The following DUSP22 variants were observed in gnomAD, a reference collection of about 807,000 sequenced individuals.
DUSP22 encodes dual specificity protein phosphatase 22.
A neutral mutation model predicts 24.5 loss-of-function variants in DUSP22; 24 were observed. That is an observed-to-expected ratio of 0.98 (90% CI 0.71 to 1.38). The LOEUF (loss-of-function observed/expected upper bound fraction) is 1.38. Ranked by LOEUF, DUSP22 falls within the 40% of genes most tolerant of loss-of-function variation. The pLI is 0.00. For missense variants in DUSP22, 330 were observed against 269.2 expected, an observed-to-expected ratio of 1.23 and a Z score of -1.58; for synonymous variants, 160 against 106.4, an observed-to-expected ratio of 1.50 and a Z score of -3.10.
chr6:350,623 C>T lies in DUSP22; in HGVS notation c.*1672C>T. 2 of 1,454,352 alleles carry T rather than the reference C, an allele frequency of 1.4e-6. No homozygotes were observed. Among genetic ancestry groups the T allele is most frequent in the Non-Finnish European group, 1.8e-6 (2 of 1,105,462 alleles). The allele number at this position is 1,454,352 out of a possible 1,614,324, so 90.1% of individuals were successfully genotyped here. On this transcript the variant is annotated 3_prime_UTR_variant, in exon 7 of 7. Transcript: ENST00000419235. ...AGGGGAGTGTGGCTGTAGAATCATC[C>T]ATCCGTCTACAGCTAAAACAATTTG...
chr6:324,986 GA>G (rs1443670105), intron 3 of DUSP22, among the ~76,000 whole-genome samples: 2 of 152,312 alleles, frequency 1.3e-5, no homozygotes, highest in Non-Finnish European at 2.9e-5. Context: ...ATCCTGCCGG[GA>G]AGGGGAGGCT....
Position 346,582 on chromosome 6 carries a change from A to T in DUSP22, c.263+654A>T, listed in dbSNP as rs540148099. ...GATGGCATTTTTATGACCACTCGTA[A>T]TCATGCTAATAACATGGCTAATTTG... On this transcript the variant is annotated intron_variant, in intron 5 of 6. Transcript: ENST00000419235. 2.2e-4 allele frequency among the ~76,000 whole-genome samples: 33 copies of T among 152,418 alleles called. No homozygotes were observed. The South Asian group carries it at 6.6e-3, about 31-fold the overall frequency.
chr6:303,520 G>A (rs1417428039), intron 1 of DUSP22, among the ~76,000 whole-genome samples: 3 of 152,306 alleles, frequency 2.0e-5, no homozygotes, highest in African/African-American at 7.2e-5. Flanking sequence ...ATGAAGAACT[G>A]TACTACAGGC....
At position 326,086 on chromosome 6, in the gene DUSP22, C is replaced by T. The variant is rs1758857721; in HGVS notation, c.139-9028C>T. On this transcript the variant is annotated intron_variant, in intron 3 of 6. Coordinates refer to ENST00000419235, the MANE Select transcript of DUSP22 (RefSeq NM_001286555.3). ...CTGGAGAGTCATCTGCCCTGGGCTT[C>T]CCCGTCCTGGTGTGTGCAATGCTGT... 1.3e-5 allele frequency: 3 copies of T among 233,914 alleles called. No homozygotes were observed. In the South Asian group the frequency reaches 1.4e-4, roughly 11 times the overall value. 14.5% of individuals were successfully genotyped at this position (233,914 alleles called of 1,614,324 possible).
In DUSP22 at chr6:349,326, A is replaced by C. The variant is rs1760062813; in HGVS notation, c.*375A>C. On this transcript the variant is annotated 3_prime_UTR_variant, in exon 7 of 7. Transcript: ENST00000419235. ...GTGTATGTTGTGAAAGTGTCTGTGC[A>C]CATGAATGTTTGTGTGTGTGTGAAC... is the stretch of plus-strand genomic sequence containing the variant. 2 of 1,094,284 alleles carry C rather than the reference A, an allele frequency of 1.8e-6. No homozygotes were observed. Among genetic ancestry groups the C allele is most frequent in the Non-Finnish European group, 2.2e-6 (2 of 897,380 alleles). The allele number at this position is 1,094,284 out of a possible 1,614,324, so 67.8% of individuals were successfully genotyped here. A position where few individuals can be genotyped will look rare whatever the true frequency, so the allele number is the denominator to read the frequency against.
chr6:346,666 C>A (rs1033573981), intron 5 of DUSP22, among the ~76,000 whole-genome samples: 1 of 152,304 alleles, frequency 6.6e-6, no homozygotes, highest in Non-Finnish European at 1.5e-5. Context: ...AGTGCTAGGC[C>A]GGACATGTCC....
chr6:349,814 G>T lies in DUSP22; in HGVS notation c.*863G>T. The T allele has an allele frequency of 4.1e-6, 4 of 985,902 alleles. No individual in the cohort carries two copies. Among genetic ancestry groups the T allele is most frequent in the Non-Finnish European group, 4.8e-6 (4 of 830,210 alleles). The allele number at this position is 985,902 out of a possible 1,614,324, so 61.1% of individuals were successfully genotyped here. A position where few individuals can be genotyped will look rare whatever the true frequency, so the allele number is the denominator to read the frequency against. ...AGTTCTACTTGGTGTTTGTTCTCTG[G>T]AGCTGATTGCACTTGAGCTCTGTGG... On this transcript the variant is annotated 3_prime_UTR_variant, in exon 7 of 7. Transcript: ENST00000419235.
At chr6:299,881 C>T (rs1175917672) in intron 1 of DUSP22, among the ~76,000 whole-genome samples, 4 of 152,418 alleles carry the variant, frequency 2.6e-5, no homozygotes, top group East Asian at 1.9e-4. Flanking sequence ...TGGCACAGCT[C>T]GTATCAGGCT....
chr6:345,499 C>T (rs888379509), intron 4 of DUSP22, among the ~76,000 whole-genome samples: 4 of 152,300 alleles, frequency 2.6e-5, no homozygotes, highest in South Asian at 2.1e-4. Flanking sequence ...CGTGAGCCAC[C>T]GCACCCAGCC....
intron 2 of DUSP22, among the ~76,000 whole-genome samples, chr6:307,714 A>G (rs1392253027): frequency 6.6e-6 from 1 of 152,306 alleles, no homozygotes; most frequent in Non-Finnish European, 1.5e-5. Flanking sequence ...CATTGTTTGA[A>G]GATGTCCACA....
At chr6:329,579 A>G (rs996528322) in intron 3 of DUSP22, among the ~76,000 whole-genome samples, 17 of 152,408 alleles carry the variant, frequency 1.1e-4, no homozygotes, top group Middle Eastern at 6.8e-3. Flanking sequence ...CAGCCTCCTG[A>G]GTAGCTGGGA....
chr6:305,677 C>T (rs1757787867), intron 2 of DUSP22, among the ~76,000 whole-genome samples: 2 of 152,306 alleles, frequency 1.3e-5, no homozygotes, highest in Non-Finnish European at 1.5e-5. Flanking sequence ...GCCAGGTGAC[C>T]TTCAGAGTTT....
chr6:307,937 A>G (rs561502365), intron 2 of DUSP22, among the ~76,000 whole-genome samples: 41 of 152,406 alleles, frequency 2.7e-4, no homozygotes, highest in African/African-American at 8.7e-4. Flanking sequence ...ACAGGTCAGC[A>G]TATGTCCATC....
chr6:336,552 G>A lies in DUSP22; in HGVS notation c.188+1389G>A, dbSNP rs1320698545. The stretch of plus-strand genomic sequence containing the variant: ...ATAATTTTGTGAGATCTACCTTTTT[G>A]GGAAAAAAAATAGAGCTGGAGTAAG... On this transcript the variant is annotated intron_variant, in intron 4 of 6. Transcript: ENST00000419235. Among the ~76,000 whole-genome samples, 3 of 152,380 alleles carry A rather than the reference G, an allele frequency of 2.0e-5. No homozygotes were observed. In the East Asian group the frequency reaches 5.8e-4, roughly 29 times the overall value.
At chr6:332,686 T>A (rs2127411740) in intron 3 of DUSP22, among the ~76,000 whole-genome samples, 1 of 151,190 alleles carries the variant, frequency 6.6e-6, no homozygotes, top group Non-Finnish European at 1.5e-5. Context: ...TAGACTAGGC[T>A]GATTTTAGAT....
intron 2 of DUSP22, among the ~76,000 whole-genome samples, chr6:310,023 C>T (rs573310410): frequency 9.2e-5 from 14 of 152,412 alleles, no homozygotes; most frequent in East Asian, 7.7e-4. Flanking sequence ...TTCAGTGGGG[C>T]GATCTCGGCT....
At chr6:314,485 A>G (rs534869883) in intron 3 of DUSP22, among the ~76,000 whole-genome samples, 967 of 152,018 alleles carry the variant, frequency 6.4e-3, no homozygotes, top group African/African-American at 0.023. Flanking sequence ...AATGAGTTTA[A>G]AGCTCTGGGT....
intron 1 of DUSP22, among the ~76,000 whole-genome samples, chr6:299,525 A>G (rs533055780): frequency 9.6e-4 from 147 of 152,348 alleles, no homozygotes; most frequent in African/African-American, 3.2e-3. Flanking sequence ...TTGTAATTCT[A>G]TATGGAAGAG....
chr6:293,972 C>T (rs1372256074), intron 1 of DUSP22, among the ~76,000 whole-genome samples: 1 of 152,258 alleles, frequency 6.6e-6, no homozygotes, highest in African/African-American at 2.4e-5. Flanking sequence ...TCTGTGGGCT[C>T]CGTTTGCCTT....
Sources: gnomAD v4.1 joint callset for allele counts (sites outside exome capture counted in the v4.1 genomes callset) on GRCh38, gnomAD v4.1.1 for gene constraint, MANE v1.5 for transcripts, NCBI Gene and HGNC (gene_info 2026-07-23, HGNC 2026-07-21) for gene names.